TNRC6B: variants seen among roughly 807,000 people sequenced by gnomAD.
TNRC6B encodes trinucleotide repeat-containing gene 6B protein.
A neutral mutation model predicts 203.6 loss-of-function variants in TNRC6B; 52 were observed. The ratio of observed to expected loss-of-function variants is 0.26; its 90% confidence interval spans 0.20 to 0.32. TNRC6B has a LOEUF of 0.32. TNRC6B is among the 10% of genes least tolerant of loss of function. The probability of loss-of-function intolerance (pLI) is 1.00; values close to 1 mark genes in which losing one functional copy is unlikely to be tolerated. For missense variants in TNRC6B, 1,923 were observed against 2,286.2 expected (o/e 0.84, Z 3.24); for synonymous variants, 838 against 845.7 (o/e 0.99, Z 0.16).
At chr22:40,317,811 A>G (rs1330980865) in intron 21 of TNRC6B, among the ~76,000 whole-genome samples, 1 of 152,240 alleles carries the variant, frequency 6.6e-6, no homozygotes, top group Non-Finnish European at 1.5e-5. Flanking sequence ...GGGCTCATCA[A>G]AACTGAGTCC....
In TNRC6B at chr22:40,265,474, G is replaced by T; in HGVS notation, c.1244G>T (p.Gly415Val). 1 of 1,614,002 alleles carries T rather than the reference G, an allele frequency of 6.2e-7. No homozygotes were observed. The highest frequency in any genetic ancestry group is 8.5e-7 in the Non-Finnish European group (1 of 1,179,878). The change falls in exon 5 of 23, where the codon GGA (glycine) becomes GTA (valine). Residue 415 changes from glycine to valine, a missense_variant. By Grantham distance (109) the Gly-to-Val change is moderately radical (BLOSUM62 -3). Around this residue, in one of 8 missense-constraint regions of TNRC6B, gnomAD observed 614 missense variants for 587.7 expected, o/e 1.04. Transcript: ENST00000454349. ...RSTDAPSQST[G>V]DRKTGSVGSW... The stretch of plus-strand genomic sequence containing the variant: ...ACTGATGCCCCTTCACAAAGCACTG[G>T]AGATCGAAAGACTGGGAGTGTTGGA...
At chr22:40,055,378 C>T in intron 1 of TNRC6B, among the ~76,000 whole-genome samples, 1 of 152,152 alleles carries the variant, frequency 6.6e-6, no homozygotes, top group East Asian at 1.9e-4. Flanking sequence ...GCAGAGAGAA[C>T]AGCCTGTGTA....
At chr22:40,142,672 G>T (rs1215551539) in intron 3 of TNRC6B, among the ~76,000 whole-genome samples, 2 of 151,994 alleles carry the variant, frequency 1.3e-5, no homozygotes, top group African/African-American at 4.8e-5. Flanking sequence ...TATGTTATCA[G>T]TTAAAATAAG....
chr22:40,090,258 C>T (rs956623919), intron 1 of TNRC6B, among the ~76,000 whole-genome samples: 7 of 152,200 alleles, frequency 4.6e-5, no homozygotes, highest in African/African-American at 1.7e-4. Context: ...AACTACCAAA[C>T]TTGTCTTGCA....
intron 3 of TNRC6B, among the ~76,000 whole-genome samples, chr22:40,141,427 A>G (rs2068644008): frequency 1.3e-5 from 2 of 151,780 alleles, no homozygotes; most frequent in East Asian, 3.9e-4. Context: ...CGAACTCCTG[A>G]CCTCAAGTGA....
chr22:40,323,504 G>T lies in TNRC6B; in HGVS notation c.*263G>T, dbSNP rs920079857. The T allele has an allele frequency of 8.6e-6, 3 of 349,314 alleles. No individual in the cohort carries two copies. Among genetic ancestry groups the T allele is most frequent in the Non-Finnish European group, 1.6e-5 (3 of 193,132 alleles). 21.6% of individuals were successfully genotyped at this position (349,314 alleles called of 1,614,324 possible). A position where few individuals can be genotyped will look rare whatever the true frequency, so the allele number is the denominator to read the frequency against. On this transcript the variant is annotated 3_prime_UTR_variant, in exon 23 of 23. Coordinates refer to ENST00000454349, the MANE Select transcript of TNRC6B (RefSeq NM_001162501.2). ...TACTTGAATCATGAACGCCAACCTA[G>T]AAAGACAATGTGAAGCAAGTACACA...
chr22:40,060,126 G>A (rs1342742758), intron 1 of TNRC6B, among the ~76,000 whole-genome samples: 2 of 150,136 alleles, frequency 1.3e-5, no homozygotes, highest in Non-Finnish European at 3.0e-5. Flanking sequence ...CACTGTGCCC[G>A]GCCATCATTT....
intron 3 of TNRC6B, among the ~76,000 whole-genome samples, chr22:40,149,303 A>G (rs2068724289): frequency 6.6e-6 from 1 of 152,224 alleles, no homozygotes; most frequent in Non-Finnish European, 1.5e-5. Flanking sequence ...GAAGCTCCAG[A>G]AAATGCAGCT....
At position 40,127,222 on chromosome 22, in the gene TNRC6B, A is replaced by G. The variant is rs562313569; in HGVS notation, c.45+1360A>G. Among the ~76,000 whole-genome samples the G allele has an allele frequency of 2.7e-4, 41 of 152,226 alleles. 1 individual carries two copies. The South Asian group carries it at 8.3e-3, about 31-fold the overall frequency. ...AGCTCTTCCTGGGAGCTCTGAAAAC[A>G]ACTCTTTCCATTTCTTTCTGAATGC... is the stretch of plus-strand genomic sequence containing the variant. On this transcript the variant is annotated intron_variant, in intron 3 of 23. Transcript: ENST00000301923.
chr22:40,069,591 G>A (rs1464138481), intron 1 of TNRC6B, among the ~76,000 whole-genome samples: 1 of 150,808 alleles, frequency 6.6e-6, no homozygotes, highest in Non-Finnish European at 1.5e-5. Flanking sequence ...AGGTTCAGGC[G>A]ATTCTCCTGC....
chr22:40,276,940 T>C (rs1450324214), intron 7 of TNRC6B, 137 bp from the exon 8 acceptor site: 2 of 522,746 alleles, frequency 3.8e-6, no homozygotes, highest in East Asian at 6.6e-5. Context: ...TAACATAAAA[T>C]ATCAACATAA....
chr22:40,272,095 T>C (rs2070572735), intron 6 of TNRC6B, among the ~76,000 whole-genome samples: 1 of 152,236 alleles, frequency 6.6e-6, no homozygotes, highest in South Asian at 2.1e-4. Context: ...CAGTGGATGC[T>C]ATAAAGCCTA....
At chr22:40,106,804 G>C in intron 1 of TNRC6B, 8 of 1,088,986 alleles carry the variant, frequency 7.3e-6, no homozygotes. Flanking sequence ...ATGCCAATTT[G>C]GGTTCTGCAG....
chr22:40,191,293 T>C (rs148332305), intron 1 of TNRC6B, among the ~76,000 whole-genome samples: 2 of 152,304 alleles, frequency 1.3e-5, no homozygotes, highest in Admixed American at 1.3e-4. Flanking sequence ...AGAGTGATCG[T>C]GAAGATTCAG....
At position 40,324,907 on chromosome 22, in the gene TNRC6B, A is replaced by G. The variant is rs2071384267; in HGVS notation, c.*1666A>G. On this transcript the variant is annotated 3_prime_UTR_variant, in exon 23 of 23. Transcript: ENST00000454349. ...TCAATGTAGTAGTACTCTGGGCCGAACAGGGGTCAACGTTTAATCTACAGT... is the reference window on the plus strand; with the variant it reads ...TCAATGTAGTAGTACTCTGGGCCGAGCAGGGGTCAACGTTTAATCTACAGT... 1 of 152,348 alleles carries G rather than the reference A, an allele frequency of 6.6e-6. No homozygotes were observed. Among genetic ancestry groups the G allele is most frequent in the Non-Finnish European group, 1.5e-5 (1 of 68,018 alleles). 9.4% of individuals were successfully genotyped at this position (152,348 alleles called of 1,614,324 possible).
chr22:40,093,719 G>T (rs1304883686), intron 1 of TNRC6B, among the ~76,000 whole-genome samples: 5 of 152,214 alleles, frequency 3.3e-5, no homozygotes, highest in Non-Finnish European at 1.5e-5. Flanking sequence ...TTTCAGTTAG[G>T]ACAGTTGTTA....
intron 3 of TNRC6B, among the ~76,000 whole-genome samples, chr22:40,135,768 C>T (rs1188363196): frequency 6.6e-6 from 1 of 152,148 alleles, no homozygotes; most frequent in African/African-American, 2.4e-5. Context: ...TCCCAAAGTG[C>T]TGAGATTACA....
At position 40,251,181 on chromosome 22, in the gene TNRC6B, C is replaced by A. The variant is rs747892312; in HGVS notation, c.96C>A (p.Val32=). Residue 32 remains valine, a splice_region_variant and synonymous_variant, in exon 3 of 23, where the codon GTC becomes GTA. Transcript: ENST00000454349. The stretch of plus-strand genomic sequence containing the variant: ...ACTTTTATCTGTTTATTTTGCAGGT[C>A]ACGGAACAAAAAACCAAAGGTAAGA... ...DKKKKEATQK[V]TEQKTKVPEV... 6 of 1,533,770 alleles carry A rather than the reference C, an allele frequency of 3.9e-6. No individual in the cohort carries two copies. The South Asian group carries it at 7.3e-5, about 19-fold the overall frequency.
chr22:40,136,740 A>G (rs1158967970), intron 3 of TNRC6B, among the ~76,000 whole-genome samples: 1 of 152,096 alleles, frequency 6.6e-6, no homozygotes, highest in Non-Finnish European at 1.5e-5. Flanking sequence ...TAAAACAATA[A>G]AAGTAAGCTC....
Sources: gnomAD v4.1 joint callset for allele counts (sites outside exome capture counted in the v4.1 genomes callset) on GRCh38, gnomAD v4.1.1 for gene constraint, gnomAD v4.1.1 regional missense constraint, MANE v1.5 for transcripts, NCBI Gene and HGNC (gene_info 2026-07-23, HGNC 2026-07-21) for gene names.